The following ME1 variants were observed in gnomAD, a reference collection of about 807,000 sequenced individuals.
ME1 encodes malic enzyme 1, also known as NADP-dependent malic enzyme.
Under a neutral mutation model 66.4 loss-of-function variants are expected in ME1, and 74 were observed. The observed-to-expected ratio is 1.11, with a 90% confidence interval of 0.92 to 1.35. The LOEUF is 1.35. Among genes scored for constraint, ME1 ranks in the 40% most tolerant of loss-of-function variants. ME1 has a pLI of 0.00. For synonymous variants in ME1, 251 were observed against 235.6 expected (o/e 1.07, Z -0.60); for missense variants, 750 against 694.1 (o/e 1.08, Z -0.90).
chr6:83,303,693 ATT>A (rs34241445), intron 6 of ME1, among the ~76,000 whole-genome samples: 10 of 151,102 alleles, frequency 6.6e-5, no homozygotes, highest in African/African-American at 1.2e-4. Context: ...ACAAAATACG[ATT>A]TTTTTTTTAC....
intron 3 of ME1, among the ~76,000 whole-genome samples, chr6:83,367,691 AAG>A (rs1393056735): frequency 2.6e-5 from 4 of 152,204 alleles, no homozygotes; most frequent in Non-Finnish European, 5.9e-5. Flanking sequence ...CCCAGAAATG[AAG>A]AGAGTTAGGG....
At chr6:83,374,608 C>G (rs531908188) in intron 3 of ME1, among the ~76,000 whole-genome samples, 133 of 152,240 alleles carry the variant, frequency 8.7e-4, no homozygotes, top group African/African-American at 3.1e-3. Context: ...TAAGTAGATC[C>G]CATTTGTCAA....
chr6:83,247,482 T>G (rs1429791260), intron 7 of ME1, among the ~76,000 whole-genome samples: 1 of 152,096 alleles, frequency 6.6e-6, no homozygotes, highest in Admixed American at 6.6e-5. Flanking sequence ...ATATACAATT[T>G]TAATCAAATA....
intron 3 of ME1, among the ~76,000 whole-genome samples, chr6:83,374,047 T>G (rs1375931021): frequency 6.6e-6 from 1 of 152,218 alleles, no homozygotes; most frequent in Admixed American, 6.6e-5. Context: ...ATGACCATAG[T>G]GCTGCAATAA....
chr6:83,362,479 G>A (rs771497944), intron 3 of ME1, among the ~76,000 whole-genome samples: 10 of 152,200 alleles, frequency 6.6e-5, no homozygotes, highest in Non-Finnish European at 1.3e-4. Context: ...ATGGGCCCAT[G>A]AACAAAGTAC....
At chr6:83,346,022 T>C (rs945364611) in intron 5 of ME1, 151 bp downstream of exon 5, 41 of 538,100 alleles carry the variant, frequency 7.6e-5, no homozygotes, top group Admixed American at 2.6e-4. Flanking sequence ...GAGAAGTAAT[T>C]TTCTTACAAC....
intron 1 of ME1, among the ~76,000 whole-genome samples, chr6:83,430,558 T>C (rs1770466255): frequency 6.6e-6 from 1 of 152,260 alleles, no homozygotes; most frequent in Non-Finnish European, 1.5e-5. Flanking sequence ...TTGTCTGGGC[T>C]CTTGTTTTTG....
chr6:83,276,779 A>AT, intron 6 of ME1, among the ~76,000 whole-genome samples: 1 of 152,332 alleles, frequency 6.6e-6, no homozygotes, highest in South Asian at 2.1e-4. Flanking sequence ...GACAAAAAAA[A>AT]TTTTAAAGGT....
intron 3 of ME1, among the ~76,000 whole-genome samples, chr6:83,388,685 CT>C (rs1769561130): frequency 6.6e-6 from 1 of 152,090 alleles, no homozygotes; most frequent in African/African-American, 2.4e-5. Flanking sequence ...GCACTGAATA[CT>C]TTTTTCATCA....
At chr6:83,254,411 T>C (rs1790769799) in intron 6 of ME1, among the ~76,000 whole-genome samples, 1 of 152,090 alleles carries the variant, frequency 6.6e-6, no homozygotes, top group African/African-American at 2.4e-5. Context: ...GAAGGTTGAG[T>C]CCTCATGGCT....
chr6:83,243,949 T>C (rs1054152601), intron 7 of ME1, among the ~76,000 whole-genome samples: 2 of 148,326 alleles, frequency 1.3e-5, no homozygotes, highest in African/African-American at 2.5e-5. Flanking sequence ...TTCTAGAAGA[T>C]AGTCAACTTC....
At position 83,339,832 on chromosome 6, in the gene ME1, A is replaced by AG. The variant is rs1261287751; in HGVS notation, c.600+6340dup. ...CTGGGGACTGTGGTGGGGTCGGGGGAGGGGGGAGGGATAGCATTGGGAGAT... is the reference window on the plus strand; with the variant it reads ...CTGGGGACTGTGGTGGGGTCGGGGGAGGGGGGGAGGGATAGCATTGGGAGAT... On this transcript the variant is annotated intron_variant, in intron 5 of 13. Transcript: ENST00000369705. 5.5e-4 allele frequency among the ~76,000 whole-genome samples: 57 copies of AG among 103,574 alleles called. 2 individuals are homozygous for AG. The highest frequency in any genetic ancestry group is 7.9e-4 in the South Asian group (2 of 2,532). 67.9% of individuals were successfully genotyped at this position (103,574 alleles called of 152,430 possible).
intron 6 of ME1, among the ~76,000 whole-genome samples, chr6:83,289,413 G>A (rs1244547961): frequency 6.6e-6 from 1 of 152,104 alleles, no homozygotes; most frequent in Non-Finnish European, 1.5e-5. Context: ...ATAATCATGT[G>A]GTTTTTGTCA....
chr6:83,388,437 G>C (rs1769556847), intron 3 of ME1, among the ~76,000 whole-genome samples: 1 of 152,008 alleles, frequency 6.6e-6, no homozygotes, highest in African/African-American at 2.4e-5. Context: ...CTGAAATTTG[G>C]TACATGATAC....
At chr6:83,353,443 G>A (rs541233117) in intron 3 of ME1, among the ~76,000 whole-genome samples, 35 of 152,206 alleles carry the variant, frequency 2.3e-4, no homozygotes, top group African/African-American at 8.2e-4. Context: ...GGTATCCAAG[G>A]ATACGGTTGA....
intron 13 of ME1, 69 bp from the exon 14 acceptor site, chr6:83,212,163 G>T (rs1489882173): frequency 8.9e-7 from 1 of 1,129,410 alleles, no homozygotes; most frequent in South Asian, 2.2e-5. Flanking sequence ...GTGAGTGGAA[G>T]TTTTTATCCA....
intron 6 of ME1, among the ~76,000 whole-genome samples, chr6:83,271,604 T>C (rs1767083230): frequency 6.6e-6 from 1 of 152,148 alleles, no homozygotes; most frequent in African/African-American, 2.4e-5. Flanking sequence ...AGTAATACGT[T>C]GTGGGTTCTG....
Position 83,239,647 on chromosome 6 carries a change from T to TA in ME1, c.815-12dup. On this transcript the variant is annotated splice_polypyrimidine_tract_variant and intron_variant, in intron 7 of 13. Coordinates refer to ENST00000369705, the MANE Select transcript of ME1 (RefSeq NM_002395.6). ...CAACAGATGCTGTTCCTGAAACAAG[T>TA]AATAAATATCCTTGAGTAATCCTCA... 6.3e-7 allele frequency: 1 copy of TA among 1,587,978 alleles called. No individual in the cohort carries two copies. Among genetic ancestry groups the TA allele is most frequent in the Non-Finnish European group, 8.6e-7 (1 of 1,156,518 alleles).
chr6:83,381,695 A>G (rs1049406842), intron 3 of ME1, among the ~76,000 whole-genome samples: 7 of 152,106 alleles, frequency 4.6e-5, no homozygotes, highest in Admixed American at 1.3e-4. Context: ...TCCTTGCTCC[A>G]TATCTTAAGA....
Sources: allele counts gnomAD v4.1 joint callset (sites outside exome capture counted in the v4.1 genomes callset), GRCh38; gene constraint gnomAD v4.1.1; transcripts MANE v1.5; gene names NCBI Gene and HGNC (gene_info 2026-07-23, HGNC 2026-07-21).